ANKRD55: variants seen among roughly 807,000 people sequenced by gnomAD.
The protein encoded by ANKRD55 is ankyrin repeat domain 55, also known as ankyrin repeat domain-containing protein 55.
A neutral mutation model predicts 60.6 loss-of-function variants in ANKRD55; 41 were observed. The observed-to-expected ratio is 0.68, with a 90% CI of 0.53 to 0.88. ANKRD55 has a LOEUF of 0.88. ANKRD55 is among the 40% of genes least tolerant of loss of function. The pLI is 0.00. For synonymous variants in ANKRD55, 264 were observed against 290.3 expected (o/e 0.91, Z 0.92); for missense variants, 732 against 767.6 (o/e 0.95, Z 0.55).
chr5:56,137,639 G>C (rs1013396429), intron 7 of ANKRD55: 14 of 516,564 alleles, frequency 2.7e-5, no homozygotes, highest in Non-Finnish European at 4.8e-5. Context: ...ATGACTTTTA[G>C]ATACTGAAAT....
At chr5:56,131,795 CAAAAAAAAA>C (rs34898025) in intron 7 of ANKRD55, among the ~76,000 whole-genome samples, 377 of 26,758 alleles carry the variant, frequency 0.014, 4 homozygotes, top group Admixed American at 0.12. Flanking sequence ...GACTCCGTCT[CAAAAAAAAA>C]AAAAAAAAAA....
At chr5:56,193,415 A>G in intron 2 of ANKRD55, 2 of 589,658 alleles carry the variant, frequency 3.4e-6, no homozygotes, top group South Asian at 1.8e-5. Flanking sequence ...TGGAATTACA[A>G]CTATTATCCT....
rs1756693583 is a variant in ANKRD55, at chr5:56,111,403, C to G, written c.1345G>C (p.Ala449Pro). ...GCATGGGAAGTGGCCCTATGGGAGG[C>G]TGTTAGGAAGTTATTGCCCAGGGTG... ...PITLGNNFLTASHRATSHAGL... is the reference protein window; with the variant it reads ...PITLGNNFLTPSHRATSHAGL... Residue 449 changes from alanine (A) to proline (P), a missense_variant, in exon 10 of 12, where the codon GCC becomes CCC. This residue lies in a region of ANKRD55 where 597 missense variants were observed against 607.5 expected (regional missense o/e 0.98). Transcript: ENST00000341048. 4 of 1,613,982 alleles carry G rather than the reference C, an allele frequency of 2.5e-6. No individual in the cohort carries two copies. Among genetic ancestry groups the G allele is most frequent in the Non-Finnish European group, 8.5e-7 (1 of 1,180,042 alleles).
At chr5:56,127,456 G>T (rs1271378035) in intron 7 of ANKRD55, 12 of 985,084 alleles carry the variant, frequency 1.2e-5, no homozygotes, top group Non-Finnish European at 1.4e-5. Flanking sequence ...TGCTCATTAG[G>T]TCTGATCATT....
chr5:56,116,551 A>T (rs1756892696), intron 9 of ANKRD55, 64 bp downstream of exon 9: 1 of 1,358,292 alleles, frequency 7.4e-7, no homozygotes, highest in East Asian at 2.7e-5. Flanking sequence ...AATTTAAAAC[A>T]TTTCATCCAA....
chr5:56,100,645 T>G (rs1349530289), intron 11 of ANKRD55, among the ~76,000 whole-genome samples: 1 of 152,168 alleles, frequency 6.6e-6, no homozygotes, highest in Admixed American at 6.5e-5. Flanking sequence ...GCCCAAGACA[T>G]TTGTACTGTG....
intron 8 of ANKRD55, among the ~76,000 whole-genome samples, chr5:56,120,039 C>T (rs1756992572): frequency 7.0e-6 from 1 of 142,892 alleles, no homozygotes; most frequent in Non-Finnish European, 1.6e-5. Context: ...TTTCTCAACA[C>T]CATTTTTTTT....
chr5:56,105,366 C>T lies in ANKRD55; in HGVS notation c.1631-2780G>A, dbSNP rs946376814. 2.6e-5 allele frequency among the ~76,000 whole-genome samples: 4 copies of T among 152,272 alleles called. No individual in the cohort carries two copies. In the East Asian group the frequency reaches 5.8e-4, roughly 22 times the overall value. On this transcript the variant is annotated intron_variant, in intron 10 of 11. Coordinates refer to ENST00000341048, the MANE Select transcript of ANKRD55 (RefSeq NM_024669.3). ...CCTCCCAAAGTGTTGGGATTACAGGCGTGAGCCACCGTGCCCGGCCAGGTG... is the reference window on the plus strand; with the variant it reads ...CCTCCCAAAGTGTTGGGATTACAGGTGTGAGCCACCGTGCCCGGCCAGGTG...
chr5:56,142,215 C>G (rs1415740511), intron 7 of ANKRD55, among the ~76,000 whole-genome samples: 1 of 152,136 alleles, frequency 6.6e-6, no homozygotes. Context: ...ATAATCCCAG[C>G]TACTCGGGAG....
At chr5:56,177,681 A>G (rs1260777188) in intron 3 of ANKRD55, among the ~76,000 whole-genome samples, 1 of 152,104 alleles carries the variant, frequency 6.6e-6, no homozygotes, top group African/African-American at 2.4e-5. Flanking sequence ...AGGCTGAGGC[A>G]GGAGAATTGC....
chr5:56,221,719 G>T (rs577986075), intron 2 of ANKRD55, among the ~76,000 whole-genome samples: 30 of 152,340 alleles, frequency 2.0e-4, no homozygotes, highest in African/African-American at 7.0e-4. Context: ...AGCTTGGAGG[G>T]TCCCATGCCC....
chr5:56,203,220 G>C (rs1759420046), intron 2 of ANKRD55, among the ~76,000 whole-genome samples: 1 of 152,154 alleles, frequency 6.6e-6, no homozygotes, highest in Non-Finnish European at 1.5e-5. Flanking sequence ...AATCCGAATT[G>C]TAATCCCTAC....
At chr5:56,186,644 G>A (rs1303477913) in intron 2 of ANKRD55, among the ~76,000 whole-genome samples, 5 of 152,000 alleles carry the variant, frequency 3.3e-5, no homozygotes, top group Non-Finnish European at 5.9e-5. Flanking sequence ...TTTTTTTGGT[G>A]CGTTTAGAAA....
chr5:56,208,921 A>C (rs1759585803), intron 2 of ANKRD55, among the ~76,000 whole-genome samples: 1 of 151,942 alleles, frequency 6.6e-6, no homozygotes, highest in South Asian at 2.1e-4. Context: ...AAATGTCACT[A>C]TGAGGTACAT....
chr5:56,202,911 G>T (rs2111860726), intron 2 of ANKRD55, among the ~76,000 whole-genome samples: 1 of 152,266 alleles, frequency 6.6e-6, no homozygotes, highest in Non-Finnish European at 1.5e-5. Context: ...GAGTGTTTCT[G>T]TGTTGAAATT....
At chr5:56,170,580 A>AT in intron 5 of ANKRD55, 114 bp downstream of exon 5, 1 of 844,070 alleles carries the variant, frequency 1.2e-6, no homozygotes, top group Non-Finnish European at 1.9e-6. Context: ...CAAAAAAAAA[A>AT]AAAGATGGTT....
rs1234475270 is a variant in ANKRD55 at position 56,227,019 on chromosome 5, A to C, written c.58+5837T>G. Among the ~76,000 whole-genome samples the C allele has an allele frequency of 2.8e-5, 4 of 143,378 alleles. No homozygotes were observed. The East Asian group carries it at 8.5e-4, about 30-fold the overall frequency. 94.1% of individuals were successfully genotyped at this position (143,378 alleles called of 152,430 possible). ...ACCCAAAGGATTATAAATCATGCTG[A>C]TATAAAGACACATGCACATGTATGT... On this transcript the variant is annotated intron_variant, in intron 2 of 11. Transcript: ENST00000341048.
chr5:56,148,084 G>A (rs1240069713), intron 6 of ANKRD55, among the ~76,000 whole-genome samples: 3 of 152,236 alleles, frequency 2.0e-5, no homozygotes, highest in Non-Finnish European at 4.4e-5. Flanking sequence ...TCCCTGCACT[G>A]AGCACACAGT....
chr5:56,209,409 G>A (rs996376701), intron 2 of ANKRD55, among the ~76,000 whole-genome samples: 3 of 151,218 alleles, frequency 2.0e-5, no homozygotes, highest in East Asian at 1.9e-4. Flanking sequence ...CTTACTTTTT[G>A]TGATTATAAG....
Sources: gnomAD v4.1 joint callset for allele counts (sites outside exome capture counted in the v4.1 genomes callset) on GRCh38, gnomAD v4.1.1 for gene constraint, gnomAD v4.1.1 regional missense constraint, MANE v1.5 for transcripts, NCBI Gene and HGNC (gene_info 2026-07-23, HGNC 2026-07-21) for gene names.